The following APP variants were observed in gnomAD, a reference collection of about 807,000 sequenced individuals.
APP encodes the protein amyloid-beta precursor protein.
Under a neutral mutation model 101.4 loss-of-function variants are expected in APP, and 31 were observed. The ratio of observed to expected loss-of-function variants is 0.31; its 90% CI spans 0.23 to 0.41. The LOEUF is 0.41. APP is among the 10% of genes least tolerant of loss of function. The pLI, the probability that APP is intolerant of heterozygous loss-of-function variation, is 1.00. For missense variants in APP, 839 were observed against 1,003.7 expected (o/e 0.84, Z 2.22); for synonymous variants, 366 against 364.4 (o/e 1.00, Z -0.05).
intron 6 of APP, among the ~76,000 whole-genome samples, chr21:26,013,287 A>G (rs1401204674): frequency 6.6e-6 from 1 of 152,258 alleles, no homozygotes; most frequent in Non-Finnish European, 1.5e-5. Flanking sequence ...ATTGCACTCC[A>G]GCCTGGGCGA....
intron 1 of APP, among the ~76,000 whole-genome samples, chr21:26,120,744 C>A (rs1283121800): frequency 6.6e-6 from 1 of 152,116 alleles, no homozygotes; most frequent in Non-Finnish European, 1.5e-5. Context: ...TTTGTTTACA[C>A]AATATATTTC....
At chr21:25,904,808 G>A (rs1426583101) in intron 15 of APP, among the ~76,000 whole-genome samples, 2 of 151,900 alleles carry the variant, frequency 1.3e-5, no homozygotes, top group South Asian at 4.1e-4. Flanking sequence ...CAAAGGGAAA[G>A]CTCAGAAACA....
At chr21:25,995,544 T>C (rs2043018949) in intron 8 of APP, among the ~76,000 whole-genome samples, 1 of 150,826 alleles carries the variant, frequency 6.6e-6, no homozygotes, top group African/African-American at 2.4e-5. Context: ...TTTTCTCGTA[T>C]GTACAAAAGG....
intron 9 of APP, 133 bp from the exon 10 acceptor site, chr21:25,976,161 T>C (rs1601088681): frequency 1.5e-6 from 1 of 677,408 alleles, no homozygotes; most frequent in East Asian, 2.9e-5. Context: ...TACATACCCC[T>C]TCCTATCTGA....
At chr21:25,924,378 AT>A (rs1456757783) in intron 13 of APP, among the ~76,000 whole-genome samples, 1 of 16,212 alleles carries the variant, frequency 6.2e-5, no homozygotes, top group African/African-American at 1.7e-4. Flanking sequence ...TTAAAGTATA[AT>A]AAAAAAAAAA....
intron 13 of APP, chr21:25,933,793 T>C (rs892957458): frequency 6.6e-6 from 1 of 152,074 alleles, no homozygotes; most frequent in Non-Finnish European, 1.5e-5. Context: ...AATTAAATGT[T>C]ATTATTTTTT....
At chr21:26,041,620 G>A (rs911113180) in intron 5 of APP, among the ~76,000 whole-genome samples, 66 of 152,102 alleles carry the variant, frequency 4.3e-4, no homozygotes, top group African/African-American at 1.5e-3. Flanking sequence ...TTAGGTCTCA[G>A]TAAGCAGCAC....
chr21:25,939,662 T>C (rs113117385), intron 13 of APP, among the ~76,000 whole-genome samples: 1 of 152,210 alleles, frequency 6.6e-6, no homozygotes, highest in South Asian at 2.1e-4. Flanking sequence ...AAGTTTCTTA[T>C]TTTTTCAGTT....
intron 2 of APP, among the ~76,000 whole-genome samples, chr21:26,106,129 T>C (rs969377397): frequency 3.9e-5 from 6 of 152,030 alleles, no homozygotes; most frequent in Admixed American, 3.9e-4. Context: ...CTACCAGAGG[T>C]CGTGGCTACC....
chr21:25,893,579 C>T (rs139872018), intron 16 of APP, among the ~76,000 whole-genome samples: 317 of 152,332 alleles, frequency 2.1e-3, no homozygotes, highest in Non-Finnish European at 3.3e-3. Context: ...CCAACCACAA[C>T]ATTCTCTTAG....
intron 1 of APP, among the ~76,000 whole-genome samples, chr21:26,122,217 G>A (rs1294708902): frequency 6.6e-6 from 1 of 152,214 alleles, no homozygotes; most frequent in Non-Finnish European, 1.5e-5. Flanking sequence ...TTCAGGCTAG[G>A]ATGGGGAGAG....
At position 25,975,207 on chromosome 21, in the gene APP, A is replaced by G; in HGVS notation, c.1321T>C (p.Ser441Pro). ...TCGTTGGCTGCTTCCTGTTCCAAAG[A>G]TTCCACTTTCTCCTGGAAATGCTGC... ...VIQHFQEKVE[S>P]LEQEAANERQ... The change falls in exon 11 of 18, where the codon TCT becomes CCT. Residue 441 changes from serine to proline, a missense_variant. By Grantham distance (74) the Ser-to-Pro change is moderately conservative. Transcript: ENST00000346798. 6.2e-7 allele frequency: 1 copy of G among 1,614,110 alleles called. No homozygotes were observed. Among genetic ancestry groups the G allele is most frequent in the Non-Finnish European group, 8.5e-7 (1 of 1,180,014 alleles).
At chr21:25,926,286 C>T (rs145415531) in intron 13 of APP, among the ~76,000 whole-genome samples, 6 of 152,296 alleles carry the variant, frequency 3.9e-5, no homozygotes, top group Admixed American at 6.5e-5. Context: ...TTTTAGCAGA[C>T]GGGCCTTCAC....
At chr21:26,004,543 T>A (rs941650460) in intron 6 of APP, among the ~76,000 whole-genome samples, 1 of 152,248 alleles carries the variant, frequency 6.6e-6, no homozygotes, top group Non-Finnish European at 1.5e-5. Context: ...CCGCCTGCCT[T>A]GGCCTCCCAA....
chr21:26,164,108 A>G (rs927030458), intron 1 of APP, among the ~76,000 whole-genome samples: 1 of 152,040 alleles, frequency 6.6e-6, no homozygotes, highest in Non-Finnish European at 1.5e-5. Context: ...AGCTGGGCAT[A>G]GTGGCACACG....
At chr21:25,915,647 C>CA (rs1239357374) in intron 13 of APP, among the ~76,000 whole-genome samples, 1 of 152,238 alleles carries the variant, frequency 6.6e-6, no homozygotes, top group Non-Finnish European at 1.5e-5. Context: ...TTTTGGTCAT[C>CA]AAATAAGCAT....
At chr21:25,966,108 A>G (rs2041786425) in intron 11 of APP, among the ~76,000 whole-genome samples, 1 of 152,210 alleles carries the variant, frequency 6.6e-6, no homozygotes, top group Non-Finnish European at 1.5e-5. Flanking sequence ...CCCAGAAACC[A>G]CTAGTATCTC....
At chr21:25,971,073 G>A (rs1260916901) in intron 11 of APP, among the ~76,000 whole-genome samples, 1 of 151,574 alleles carries the variant, frequency 6.6e-6, no homozygotes, top group Non-Finnish European at 1.5e-5. Flanking sequence ...TTTTGAGATG[G>A]AGTCTTGCTC....
chr21:25,988,478 G>T (rs958784510), intron 8 of APP, among the ~76,000 whole-genome samples: 9 of 152,092 alleles, frequency 5.9e-5, no homozygotes, highest in African/African-American at 2.2e-4. Flanking sequence ...GAGGCGGGCA[G>T]ATCACCTGAG....
Sources: allele counts gnomAD v4.1 joint callset (sites outside exome capture counted in the v4.1 genomes callset), GRCh38; gene constraint gnomAD v4.1.1; transcripts MANE v1.5; gene names NCBI Gene and HGNC (gene_info 2026-07-23, HGNC 2026-07-21).